The following SLC38A6 variants were observed in gnomAD, a reference collection of about 807,000 sequenced individuals.
The protein encoded by SLC38A6 is N system amino acid transporter NAT-1.
Under a neutral mutation model 65.0 loss-of-function variants are expected in SLC38A6, and 73 were observed. That is an observed-to-expected ratio of 1.12 (90% CI 0.93 to 1.37). The LOEUF is 1.37. Among genes scored for constraint, SLC38A6 ranks in the 40% most tolerant of loss-of-function variants. The probability of loss-of-function intolerance (pLI) is 0.00; values close to 1 mark genes in which losing one functional copy is unlikely to be tolerated. For synonymous variants in SLC38A6, 183 were observed against 178.8 expected, an observed-to-expected ratio of 1.02 and a Z score of -0.19; for missense variants, 561 against 531.1, an observed-to-expected ratio of 1.06 and a Z score of -0.55.
At chr14:61,006,034 C>A (rs1445890064) in intron 3 of SLC38A6, among the ~76,000 whole-genome samples, 24 of 152,198 alleles carry the variant, frequency 1.6e-4, no homozygotes, top group Non-Finnish European at 3.2e-4. Context: ...CATATCTACA[C>A]CTATCTGATC....
At chr14:61,078,981 C>CA (rs2043536002) in intron 16 of SLC38A6, 1 of 155,044 alleles carries the variant, frequency 6.4e-6, no homozygotes, top group Non-Finnish European at 1.4e-5. Context: ...GACAGGGTTT[C>CA]ACCATGTTGC....
chr14:60,981,557 T>C, intron 1 of SLC38A6, 175 bp downstream of exon 1: 1 of 1,529,500 alleles, frequency 6.5e-7, no homozygotes, highest in Non-Finnish European at 8.7e-7. Flanking sequence ...TTGGCGCAGT[T>C]ATGAACGTGA....
At chr14:60,991,727 C>T (rs1345285345) in intron 3 of SLC38A6, among the ~76,000 whole-genome samples, 1 of 152,162 alleles carries the variant, frequency 6.6e-6, no homozygotes, top group Non-Finnish European at 1.5e-5. Flanking sequence ...TATACAATCT[C>T]ATTTAAAATT....
intron 12 of SLC38A6, among the ~76,000 whole-genome samples, chr14:61,050,135 T>G (rs543842104): frequency 1.3e-5 from 2 of 152,324 alleles, no homozygotes; most frequent in Admixed American, 1.3e-4. Flanking sequence ...TTAACACTTT[T>G]GGACCTACCT....
intron 3 of SLC38A6, among the ~76,000 whole-genome samples, chr14:61,000,061 T>C: frequency 6.6e-6 from 1 of 152,240 alleles, no homozygotes; most frequent in East Asian, 1.9e-4. Context: ...GATGTGACTT[T>C]CCATTTAGGA....
chr14:61,083,639 G>A, exon 17 of SLC38A6: 1 of 1,550,450 alleles, frequency 6.4e-7, no homozygotes, highest in Non-Finnish European at 8.7e-7. Context: ...GCCAAGGGAA[G>A]AGGCCTCAGG....
intron 3 of SLC38A6, chr14:60,987,168 C>CTT: frequency 9.2e-6 from 2 of 216,316 alleles, no homozygotes; most frequent in Non-Finnish European, 1.8e-5. Context: ...GTAGGCTTTT[C>CTT]CTTTTTTTTT....
At chr14:61,006,676 C>T (rs1433412404) in intron 3 of SLC38A6, among the ~76,000 whole-genome samples, 3 of 152,222 alleles carry the variant, frequency 2.0e-5, no homozygotes, top group African/African-American at 7.2e-5. Context: ...CAGGAAACAA[C>T]AGGTGCTGGA....
chr14:61,072,077 C>T (rs1306106645), intron 15 of SLC38A6, among the ~76,000 whole-genome samples: 1 of 152,126 alleles, frequency 6.6e-6, no homozygotes, highest in Non-Finnish European at 1.5e-5. Flanking sequence ...GGTACCAACA[C>T]GTTTGGTGTC....
intron 1 of SLC38A6, chr14:60,981,739 T>G (rs1194878157): frequency 7.7e-7 from 1 of 1,298,598 alleles, no homozygotes; most frequent in Admixed American, 2.3e-5. Context: ...CGTGAGGTCT[T>G]TGCAAGAGTC....
intron 3 of SLC38A6, among the ~76,000 whole-genome samples, chr14:60,996,761 T>A (rs758367937): frequency 2.6e-5 from 4 of 152,034 alleles, no homozygotes; most frequent in Non-Finnish European, 4.4e-5. Context: ...ACAAAAAAAA[T>A]TCCTGCAAAG....
rs532444196 is a variant in SLC38A6, at chr14:61,015,807, T to C, written c.311-97T>C. The C allele has an allele frequency of 1.2e-5, 10 of 855,474 alleles. No individual in the cohort carries two copies. The South Asian group carries it at 2.1e-4, about 18-fold the overall frequency. 53.0% of individuals were successfully genotyped at this position (855,474 alleles called of 1,614,324 possible). ...TGATTGGCCTGGATCATAAGAATTA[T>C]ACTGTATTTAGTTTGTAGTAGGACC... is the stretch of plus-strand genomic sequence containing the variant. On this transcript the variant is annotated intron_variant, in intron 3 of 15. Coordinates refer to ENST00000267488, the MANE Select transcript of SLC38A6 (RefSeq NM_153811.3).
At chr14:61,066,309 C>T (rs1234135015) in intron 15 of SLC38A6, among the ~76,000 whole-genome samples, 1 of 152,104 alleles carries the variant, frequency 6.6e-6, no homozygotes, top group Non-Finnish European at 1.5e-5. Flanking sequence ...TTCTGTTTGT[C>T]ACCCTTCCTA....
downstream of SLC38A6, among the ~76,000 whole-genome samples, chr14:61,055,081 ATT>A (rs35859119): frequency 0.1 from 11,300 of 109,342 alleles, 726 homozygotes; most frequent in Non-Finnish European, 0.14. Flanking sequence ...GCAGTGTTGA[ATT>A]TTTTTTTTTT....
At chr14:61,019,952 G>A (rs756574256) in intron 5 of SLC38A6, among the ~76,000 whole-genome samples, 17 of 152,104 alleles carry the variant, frequency 1.1e-4, no homozygotes, top group Non-Finnish European at 1.9e-4. Context: ...ACTTTAGAGG[G>A]ATTAGTGTTC....
At chr14:60,985,897 C>T (rs980356581) in intron 3 of SLC38A6, among the ~76,000 whole-genome samples, 1 of 151,962 alleles carries the variant, frequency 6.6e-6, no homozygotes, top group Non-Finnish European at 1.5e-5. Flanking sequence ...AGAGAGGAAG[C>T]GAGAGAGGAG....
chr14:60,997,930 C>T (rs1195255514), intron 3 of SLC38A6, among the ~76,000 whole-genome samples: 1 of 152,094 alleles, frequency 6.6e-6, no homozygotes, highest in Non-Finnish European at 1.5e-5. Flanking sequence ...AGGCTTAGAA[C>T]TGAAGCACAG....
chr14:61,006,152 C>T (rs972452126), intron 3 of SLC38A6, among the ~76,000 whole-genome samples: 14 of 152,108 alleles, frequency 9.2e-5, no homozygotes, highest in Non-Finnish European at 2.1e-4. Context: ...TGGATCCCTT[C>T]CTTACACCTT....
chr14:61,045,378 A>T lies in SLC38A6; in HGVS notation c.777A>T (p.Ser259=), dbSNP rs755758782. 6.2e-7 allele frequency: 1 copy of T among 1,613,472 alleles called. No homozygotes were observed. The highest frequency in any genetic ancestry group is 8.5e-7 in the Non-Finnish European group (1 of 1,179,810). The change falls in exon 11 of 16, where the codon TCA becomes TCT. Residue 259 remains serine (S), a synonymous_variant. Transcript: ENST00000267488. ...ATGCCTTACCAACCATGGCTTTTTC[A>T]TTTCTCTGCCATACCTCAATATTGC... ...SAYALPTMAF[S]FLCHTSILPI...
Sources: gnomAD v4.1 joint callset for allele counts (sites outside exome capture counted in the v4.1 genomes callset) on GRCh38, gnomAD v4.1.1 for gene constraint, MANE v1.5 for transcripts, NCBI Gene and HGNC (gene_info 2026-07-23, HGNC 2026-07-21) for gene names.